Variants in PIK3C2G observed in about 807,000 individuals in gnomAD.
PIK3C2G encodes the protein phosphatidylinositol 3-kinase C2 domain-containing subunit gamma.
In PIK3C2G, 168 loss-of-function variants were observed where a neutral mutation model predicts 181.1. The ratio of observed to expected loss-of-function variants is 0.93; its 90% CI spans 0.82 to 1.05. PIK3C2G has a LOEUF of 1.05. Ranked by LOEUF, PIK3C2G falls within the 50% of genes least tolerant of loss-of-function variation. The probability of loss-of-function intolerance (pLI) is 0.00; values close to 1 mark genes in which losing one functional copy is unlikely to be tolerated. For missense variants in PIK3C2G, 1,869 were observed against 1,732.8 expected, an observed-to-expected ratio of 1.08 and a Z score of -1.40; for synonymous variants, 573 against 592.2, an observed-to-expected ratio of 0.97 and a Z score of 0.47.
chr12:18,556,716 G>A (rs1945033329), intron 26 of PIK3C2G, among the ~76,000 whole-genome samples: 1 of 152,082 alleles, frequency 6.6e-6, no homozygotes, highest in African/African-American at 2.4e-5. Flanking sequence ...TTATCCTCAT[G>A]TCTTTAAAGT....
the PIK3C2G span, among the ~76,000 whole-genome samples, chr12:18,682,445 T>C: frequency 0.034 from 5,187 of 152,136 alleles, 141 homozygotes; most frequent in Middle Eastern, 0.095. Context: ...TTAGTATTAA[T>C]ATCAGTGGTT....
intron 14 of PIK3C2G, among the ~76,000 whole-genome samples, chr12:18,386,219 C>T (rs1268707304): frequency 2.0e-5 from 3 of 152,140 alleles, no homozygotes; most frequent in Non-Finnish European, 4.4e-5. Context: ...AGCCCGCTGC[C>T]GTGCACAGTG....
intron 14 of PIK3C2G, among the ~76,000 whole-genome samples, chr12:18,384,423 A>T (rs925877478): frequency 2.0e-5 from 3 of 152,210 alleles, no homozygotes; most frequent in Admixed American, 6.5e-5. Flanking sequence ...GTAAGTGTAG[A>T]TATAAGTGAT....
chr12:18,671,802 C>T, the PIK3C2G span, among the ~76,000 whole-genome samples: 1 of 152,110 alleles, frequency 6.6e-6, no homozygotes, highest in Non-Finnish European at 1.5e-5. Flanking sequence ...CATGGAGGGG[C>T]TACAAACAAT....
intron 16 of PIK3C2G, among the ~76,000 whole-genome samples, chr12:18,410,361 C>T (rs575246642): frequency 1.3e-5 from 2 of 151,964 alleles, no homozygotes; most frequent in Non-Finnish European, 2.9e-5. Flanking sequence ...AAAAATTAGC[C>T]AGGCATGGTG....
chr12:18,341,674 T>C (rs566592409), intron 9 of PIK3C2G, among the ~76,000 whole-genome samples: 11 of 152,264 alleles, frequency 7.2e-5, no homozygotes, highest in African/African-American at 2.4e-4. Flanking sequence ...GTAAGAGTAC[T>C]GGCACACATA....
Position 18,325,090 on chromosome 12 carries a change from A to G in PIK3C2G, c.1264A>G (p.Lys422Glu). The G allele has an allele frequency of 6.5e-7, 1 of 1,542,926 alleles. No individual in the cohort carries two copies. The highest frequency in any genetic ancestry group is 8.9e-7 in the Non-Finnish European group (1 of 1,118,314). Reference protein sequence around the residue: ...KYDFHLKYLLKTQENVYNIIE... With the variant: ...KYDFHLKYLLETQENVYNIIE... ...TGACTTCCACCTGAAATACCTATTG[A>G]AAACCCAGGTATTGACTTTTGTTAC... The change falls in exon 8 of 33, where the codon AAA (lysine) becomes GAA (glutamate). Residue 422 changes from lysine (K) to glutamate (E), a missense_variant. Coordinates refer to ENST00000538779, the MANE Select transcript of PIK3C2G (RefSeq NM_001288772.2).
intron 24 of PIK3C2G, among the ~76,000 whole-genome samples, chr12:18,529,032 A>C (rs914774260): frequency 1.3e-5 from 2 of 152,136 alleles, no homozygotes; most frequent in African/African-American, 4.8e-5. Context: ...GTTGTAGGTA[A>C]TAAGTAGATG....
intron 8 of PIK3C2G, among the ~76,000 whole-genome samples, chr12:18,337,496 C>T (rs1293574266): frequency 1.3e-5 from 2 of 152,098 alleles, no homozygotes; most frequent in East Asian, 1.9e-4. Context: ...GTTGAATTGG[C>T]TCATGGTTCT....
intron 18 of PIK3C2G, among the ~76,000 whole-genome samples, chr12:18,460,660 A>G (rs1246429577): frequency 6.8e-6 from 1 of 147,380 alleles, no homozygotes; most frequent in Non-Finnish European, 1.5e-5. Flanking sequence ...CACTTAGCAC[A>G]CTGCCTAGAA....
the PIK3C2G span, among the ~76,000 whole-genome samples, chr12:18,664,332 T>C: frequency 3.8e-3 from 577 of 152,316 alleles, 9 homozygotes; most frequent in African/African-American, 0.013. Flanking sequence ...TCCATGTTTA[T>C]AGCAGCATTG....
rs149875862 is a variant in PIK3C2G at position 18,296,950 on chromosome 12, T to A, written c.1034+2935T>A. On this transcript the variant is annotated intron_variant, in intron 5 of 32. Transcript: ENST00000538779. ...CAAAAAATATTAAAATCTTTCATCA[T>A]GTTCCTGTTCTTTAACTCCCGGTTT... Among the ~76,000 whole-genome samples, 7 of 152,214 alleles carry A rather than the reference T, an allele frequency of 4.6e-5. No homozygotes were observed. The East Asian group carries it at 1.4e-3, about 29-fold the overall frequency.
intron 26 of PIK3C2G, among the ~76,000 whole-genome samples, chr12:18,553,784 A>G (rs1176118275): frequency 6.6e-6 from 1 of 152,090 alleles, no homozygotes; most frequent in Non-Finnish European, 1.5e-5. Context: ...TCCTTTGAAC[A>G]ATAAATTTAT....
chr12:18,412,464 T>C (rs994556910), intron 16 of PIK3C2G, among the ~76,000 whole-genome samples: 1 of 152,130 alleles, frequency 6.6e-6, no homozygotes, highest in African/African-American at 2.4e-5. Flanking sequence ...AGGCAACAGA[T>C]TTAACGTGGA....
chr12:18,286,321 T>C lies in PIK3C2G; in HGVS notation c.679-526T>C, dbSNP rs1019985773. Among the ~76,000 whole-genome samples, 23 of 151,924 alleles carry C rather than the reference T, an allele frequency of 1.5e-4. 1 individual carries two copies. Among genetic ancestry groups the C allele is most frequent in the African/African-American group, 5.6e-4 (23 of 41,428 alleles). On this transcript the variant is annotated intron_variant, in intron 2 of 32. Transcript: ENST00000538779. Reference sequence around the variant, plus strand: ...TGAGCATTAATAGTTTTCTTTACAATACCAAAAAGCTAAAAACAACTCAGA... The same window carrying C: ...TGAGCATTAATAGTTTTCTTTACAACACCAAAAAGCTAAAAACAACTCAGA...
intron 18 of PIK3C2G, among the ~76,000 whole-genome samples, chr12:18,432,484 C>A (rs1011200304): frequency 5.3e-5 from 8 of 151,982 alleles, no homozygotes; most frequent in African/African-American, 1.9e-4. Context: ...ATCTGGTTTC[C>A]CTATAATAAT....
chr12:18,640,361 T>C (rs962974469), intron 31 of PIK3C2G, 68 bp from the exon 32 acceptor site: 2 of 1,363,536 alleles, frequency 1.5e-6, no homozygotes, highest in African/African-American at 2.9e-5. Flanking sequence ...TCTGGATATT[T>C]AGTAGCTCTG....
intron 15 of PIK3C2G, among the ~76,000 whole-genome samples, chr12:18,391,575 G>A (rs1336510432): frequency 6.6e-6 from 1 of 152,148 alleles, no homozygotes; most frequent in Non-Finnish European, 1.5e-5. Context: ...TTCCTTCCAG[G>A]AGGTAGAAAG....
chr12:18,274,908 T>A (rs1388338366), intron 1 of PIK3C2G, among the ~76,000 whole-genome samples: 1 of 152,250 alleles, frequency 6.6e-6, no homozygotes, highest in East Asian at 1.9e-4. Flanking sequence ...CTGTCTTCAA[T>A]ATGTCCCTCA....
Sources: gnomAD v4.1 joint callset for allele counts (sites outside exome capture counted in the v4.1 genomes callset) on GRCh38, gnomAD v4.1.1 for gene constraint, MANE v1.5 for transcripts, NCBI Gene and HGNC (gene_info 2026-07-23, HGNC 2026-07-21) for gene names.